Variants in PLXND1 observed in about 807,000 individuals in gnomAD.
PLXND1 encodes the protein plexin-D1.
A neutral mutation model predicts 197.7 loss-of-function variants in PLXND1; 54 were observed. That is an observed-to-expected ratio of 0.27 (90% CI 0.22 to 0.34). The LOEUF (loss-of-function observed/expected upper bound fraction) is 0.34. Ranked by LOEUF, PLXND1 falls within the 10% of genes least tolerant of loss-of-function variation. The probability of loss-of-function intolerance (pLI) is 1.00; values close to 1 mark genes in which losing one functional copy is unlikely to be tolerated. For synonymous variants in PLXND1, 1,180 were observed against 1,161.2 expected, an observed-to-expected ratio of 1.02 and a Z score of -0.33; for missense variants, 2,127 against 2,699.2, an observed-to-expected ratio of 0.79 and a Z score of 4.70.
intron 1 of PLXND1, 44 bp downstream of exon 1, chr3:129,605,285 C>T: frequency 3.2e-6 from 2 of 624,344 alleles, no homozygotes; most frequent in Non-Finnish European, 4.2e-6. Context: ...GCCCCCGCCC[C>T]CGCCGCCGCC....
chr3:129,576,531 C>T (rs1298406809), intron 9 of PLXND1, among the ~76,000 whole-genome samples: 3 of 152,218 alleles, frequency 2.0e-5, no homozygotes, highest in Non-Finnish European at 4.4e-5. Context: ...CCCTTAGCCT[C>T]TTGCCTGGCT....
Position 129,575,451 on chromosome 3 carries a change from G to C in PLXND1, c.2530+18C>G, listed in dbSNP as rs11919862. The C allele has an allele frequency of 0.045, 67,395 of 1,500,298 alleles. 2,710 individuals carry two copies. Among genetic ancestry groups the C allele is most frequent in the African/African-American group, 0.18 (12,759 of 72,192 alleles). The allele number at this position is 1,500,298 out of a possible 1,614,324, so 92.9% of individuals were successfully genotyped here. Reference sequence around the variant, plus strand: ...CACTGAGGCCCCGAGGCCATGTGGGGCGGGTGGGGGTGCCCACCTGTCATG... The same window carrying C: ...CACTGAGGCCCCGAGGCCATGTGGGCCGGGTGGGGGTGCCCACCTGTCATG... On this transcript the variant is annotated intron_variant, in intron 11 of 35. Coordinates refer to ENST00000324093, the MANE Select transcript of PLXND1 (RefSeq NM_015103.3).
chr3:129,569,774 A>G (rs1035091783), intron 20 of PLXND1, 69 bp downstream of exon 20: 3 of 866,216 alleles, frequency 3.5e-6, no homozygotes, highest in Non-Finnish European at 3.9e-6. Context: ...CCATCTGCCA[A>G]TCTTCAGAGG....
At position 129,571,200 on chromosome 3, in the gene PLXND1, G is replaced by T; in HGVS notation, c.3440C>A (p.Ala1147Glu). ...CTCCTCAGCCACAGCCACCTCGTCT[G>T]CGTAGGCCCGCCCATTGATGAAGAA... ...VDFFINGRAY[A>E]DEVAVAEELL... Residue 1147 changes from alanine (A) to glutamate (E), a missense_variant, in exon 18 of 36, where the codon GCA becomes GAA. Coordinates refer to ENST00000324093, the MANE Select transcript of PLXND1 (RefSeq NM_015103.3). 1 of 1,614,206 alleles carries T rather than the reference G, an allele frequency of 6.2e-7. No individual in the cohort carries two copies. Among genetic ancestry groups the T allele is most frequent in the Non-Finnish European group, 8.5e-7 (1 of 1,180,024 alleles).
In PLXND1 at chr3:129,570,949, G is replaced by T. The variant is rs764468538; in HGVS notation, c.3601-14C>A. The T allele has an allele frequency of 1.2e-6, 2 of 1,614,144 alleles. No homozygotes were observed. Among genetic ancestry groups the T allele is most frequent in the Admixed American group, 3.3e-5 (2 of 60,036 alleles). ...GTCCTGCTCCTTCTGTGGGTGCAAA[G>T]GGGGAGGATGCTCATGGGGAAGTGC... On this transcript the variant is annotated splice_polypyrimidine_tract_variant and intron_variant, in intron 18 of 35. Coordinates refer to ENST00000324093, the MANE Select transcript of PLXND1 (RefSeq NM_015103.3).
intron 23 of PLXND1, 41 bp downstream of exon 23, chr3:129,566,486 C>T: frequency 8.1e-7 from 1 of 1,241,114 alleles, no homozygotes; most frequent in African/African-American, 1.5e-5. Flanking sequence ...AGCAGGGTTG[C>T]CCTGAAGCAG....
At chr3:129,589,307 G>GCCGGGGGCCCCCCCCCCCCCCCC in intron 2 of PLXND1, 44 bp downstream of exon 2, 1 of 684,692 alleles carries the variant, frequency 1.5e-6, no homozygotes, top group Non-Finnish European at 2.6e-6. Flanking sequence ...TCCCAGGGGA[G>GCCGGGGGCCCCCCCCCCCCCCCC]CCTCCCACCC....
In PLXND1 at chr3:129,573,738, G is replaced by A; in HGVS notation, c.2693C>T (p.Pro898Leu). 1 of 1,613,276 alleles carries A rather than the reference G, an allele frequency of 6.2e-7. No individual in the cohort carries two copies. ...CPAPEIHAIE[P>L]LSGPLDGGTL... ...CCCACCGTCCAACGGGCCACTCAGGGGCTCAATCTGCCAGGTGACCCGAGA... is the reference window on the plus strand; with the variant it reads ...CCCACCGTCCAACGGGCCACTCAGGAGCTCAATCTGCCAGGTGACCCGAGA... Residue 898 changes from proline (P) to leucine (L), a missense_variant, in exon 13 of 36, where the codon CCC (proline) becomes CTC (leucine). Pro to Leu is a moderately conservative substitution (Grantham distance 98). Coordinates refer to ENST00000324093, the MANE Select transcript of PLXND1 (RefSeq NM_015103.3).
chr3:129,559,322 T>A (rs1319592739), intron 32 of PLXND1: 2 of 303,788 alleles, frequency 6.6e-6, no homozygotes, highest in South Asian at 9.5e-5. Context: ...ATCTGTGAAG[T>A]GGAGCTGATG....
chr3:129,584,005 G>T, intron 7 of PLXND1, 120 bp downstream of exon 7: 1 of 677,082 alleles, frequency 1.5e-6, no homozygotes, highest in South Asian at 1.7e-5. Context: ...ACAACTGAAG[G>T]GCCTGTCTAC....
rs200074257 is a variant in PLXND1, at chr3:129,584,377, G to A, written c.2029+8C>T. On this transcript the variant is annotated splice_region_variant and intron_variant, in intron 6 of 35. Coordinates refer to ENST00000324093, the MANE Select transcript of PLXND1 (RefSeq NM_015103.3). ...TCTGGGGCTGTGCCAACAGCACAGCGTGCTTACCCTGGTTGGGGGGGAAGG... is the reference window on the plus strand; with the variant it reads ...TCTGGGGCTGTGCCAACAGCACAGCATGCTTACCCTGGTTGGGGGGGAAGG... 38 of 1,611,116 alleles carry A rather than the reference G, an allele frequency of 2.4e-5. No homozygotes were observed. The Admixed American group carries it at 3.0e-4, about 13-fold the overall frequency.
At chr3:129,605,261 TCCCGCC>T in intron 1 of PLXND1, 62 bp downstream of exon 1, 142 of 493,618 alleles carry the variant, frequency 2.9e-4, no homozygotes, top group Non-Finnish European at 4.2e-4. Flanking sequence ...CCCGCTCGGT[TCCCGCC>T]CGCCCCCGCC....
intron 4 of PLXND1, 42 bp downstream of exon 4, chr3:129,586,130 C>T (rs769714231): frequency 3.7e-6 from 6 of 1,612,084 alleles, no homozygotes; most frequent in South Asian, 1.1e-5. Context: ...CTCCCACCCC[C>T]ACAGCCCTCC....
chr3:129,573,198 A>T (rs1166836323), intron 13 of PLXND1, among the ~76,000 whole-genome samples: 1 of 152,118 alleles, frequency 6.6e-6, no homozygotes, highest in African/African-American at 2.4e-5. Flanking sequence ...CCCAAAAGGA[A>T]AGCCAGTTCA....
At chr3:129,566,063 C>T (rs1250830172) in intron 23 of PLXND1, 46 bp from the exon 24 acceptor site, 1 of 1,607,262 alleles carries the variant, frequency 6.2e-7, no homozygotes, top group Non-Finnish European at 8.5e-7. Flanking sequence ...GCCCAGTGTC[C>T]CTGCCTAGCC....
chr3:129,600,276 C>T (rs1208448342), intron 1 of PLXND1, among the ~76,000 whole-genome samples: 1 of 152,210 alleles, frequency 6.6e-6, no homozygotes, highest in Non-Finnish European at 1.5e-5. Flanking sequence ...ACCCTCCCTC[C>T]TCTGAGCATC....
chr3:129,557,143 G>A lies in PLXND1; in HGVS notation c.5526C>T (p.Ile1842=). Residue 1842 remains isoleucine, a synonymous_variant, in exon 34 of 36, where the codon ATC becomes ATT. Coordinates refer to ENST00000324093, the MANE Select transcript of PLXND1 (RefSeq NM_015103.3). The surrounding 1 kb of genome is among the most constrained non-coding windows in gnomAD (Gnocchi z 4.8). ...RKIVQRYYKQ[I]QDMTPLSEQE... ...GCTCGCTGAGCGGCGTCATGTCCTGGATCTGCTTGTAGTAGCGCTGCACGA... is the reference window on the plus strand; with the variant it reads ...GCTCGCTGAGCGGCGTCATGTCCTGAATCTGCTTGTAGTAGCGCTGCACGA... 1 of 1,614,118 alleles carries A rather than the reference G, an allele frequency of 6.2e-7. No individual in the cohort carries two copies. The highest frequency in any genetic ancestry group is 8.5e-7 in the Non-Finnish European group (1 of 1,180,014).
chr3:129,586,126 C>T (rs576363842), intron 4 of PLXND1, 45 bp from the exon 5 acceptor site: 52 of 1,612,040 alleles, frequency 3.2e-5, no homozygotes, highest in Middle Eastern at 3.3e-4. Flanking sequence ...GCTCCTCCCA[C>T]CCCCACAGCC....
At chr3:129,559,530 G>T in intron 32 of PLXND1, 90 bp downstream of exon 32, 1 of 1,021,606 alleles carries the variant, frequency 9.8e-7, no homozygotes, top group Non-Finnish European at 1.4e-6. Context: ...TTGACCCCAA[G>T]CAGGCGAGGC....
Sources: gnomAD v4.1 joint callset for allele counts (sites outside exome capture counted in the v4.1 genomes callset) on GRCh38, gnomAD v4.1.1 for gene constraint, Gnocchi (gnomAD v3.1) non-coding constraint, MANE v1.5 for transcripts, NCBI Gene and HGNC (gene_info 2026-07-23, HGNC 2026-07-21) for gene names.